The following COQ8B variants were observed in gnomAD, a reference collection of about 807,000 sequenced individuals.
COQ8B encodes coenzyme Q8B.
Under a neutral mutation model 62.0 loss-of-function variants are expected in COQ8B, and 44 were observed. The ratio of observed to expected loss-of-function variants is 0.71; its 90% CI spans 0.56 to 0.91. The LOEUF is 0.91. COQ8B is among the 40% of genes least tolerant of loss of function. COQ8B has a pLI of 0.00. For missense variants in COQ8B, 649 were observed against 731.6 expected (o/e 0.89, Z 1.30); for synonymous variants, 252 against 289.9 (o/e 0.87, Z 1.33).
intron 1 of COQ8B, chr19:40,714,973 G>A (rs1162954367): frequency 3.8e-6 from 4 of 1,049,016 alleles, no homozygotes; most frequent in Non-Finnish European, 4.6e-6. Context: ...TGTTGGCCCT[G>A]TAGGCACCCG....
chr19:40,712,427 A>C (rs921500141), intron 4 of COQ8B, among the ~76,000 whole-genome samples: 22 of 151,674 alleles, frequency 1.5e-4, no homozygotes, highest in Admixed American at 4.6e-4. Context: ...AAAAAAAAAA[A>C]AACAACAAAA....
At chr19:40,696,773 A>G (rs976793568) in intron 12 of COQ8B, among the ~76,000 whole-genome samples, 2 of 152,156 alleles carry the variant, frequency 1.3e-5, no homozygotes, top group Non-Finnish European at 2.9e-5. Flanking sequence ...ATCATTATTA[A>G]ATTATTTCCT....
At chr19:40,706,161 G>A (rs2082099497) in intron 5 of COQ8B, among the ~76,000 whole-genome samples, 1 of 152,076 alleles carries the variant, frequency 6.6e-6, no homozygotes, top group African/African-American at 2.4e-5. Context: ...CAAATCCAGG[G>A]TCCAGGAGCC....
rs776958256 is a variant in COQ8B at position 40,714,401 on chromosome 19, C to T, written c.103-4G>A. ...CCCAAGAACCTCCACATGGTCCCTG[C>T]AAGAGATATACTTTGATAAGGAGGG... is the stretch of plus-strand genomic sequence containing the variant. On this transcript the variant is annotated splice_polypyrimidine_tract_variant and splice_region_variant and intron_variant, in intron 2 of 14. Coordinates refer to ENST00000324464, the MANE Select transcript of COQ8B (RefSeq NM_024876.4). 1.2e-6 allele frequency: 2 copies of T among 1,613,402 alleles called. No homozygotes were observed. Among genetic ancestry groups the T allele is most frequent in the South Asian group, 1.1e-5 (1 of 90,936 alleles).
At chr19:40,700,560 T>C (rs2082053529) in intron 10 of COQ8B, 109 bp from the exon 11 acceptor site, 2 of 1,347,000 alleles carry the variant, frequency 1.5e-6, no homozygotes, top group Admixed American at 2.3e-5. Context: ...GTCTGCGCCA[T>C]GCCCTCCCTC....
chr19:40,704,148 CTTTTTTTTTTT>C, intron 7 of COQ8B: 1 of 162,870 alleles, frequency 6.1e-6, no homozygotes, highest in East Asian at 1.6e-4. Context: ...CATAACAATC[CTTTTTTTTTTT>C]TTTTTTTTGA....
chr19:40,706,487 A>G (rs2082101911), intron 5 of COQ8B, among the ~76,000 whole-genome samples: 1 of 152,118 alleles, frequency 6.6e-6, no homozygotes, highest in Non-Finnish European at 1.5e-5. Context: ...TGTTTTTGAG[A>G]CAGTGTCTCA....
intron 7 of COQ8B, chr19:40,704,236 A>C: frequency 5.9e-6 from 1 of 169,754 alleles, no homozygotes. Context: ...TGCAGCATCA[A>C]CCTCCCGAGC....
rs1023091602 is a variant in COQ8B at position 40,703,268 on chromosome 19, G to A, written c.799+273C>T. 12 of 435,580 alleles carry A rather than the reference G, an allele frequency of 2.8e-5. No individual in the cohort carries two copies. In the Admixed American group the frequency reaches 3.7e-4, roughly 13 times the overall value. The allele number at this position is 435,580 out of a possible 1,614,324, so 27.0% of individuals were successfully genotyped here. On this transcript the variant is annotated intron_variant, in intron 9 of 14. Coordinates refer to ENST00000324464, the MANE Select transcript of COQ8B (RefSeq NM_024876.4). ...TCTGCTCTGCCGCACCTACAATCCCGCTCCCTGCATGCACACCCTCTGAGA... is the reference window on the plus strand; with the variant it reads ...TCTGCTCTGCCGCACCTACAATCCCACTCCCTGCATGCACACCCTCTGAGA...
chr19:40,692,634 A>G (rs941332334), intron 14 of COQ8B, among the ~76,000 whole-genome samples: 7 of 152,134 alleles, frequency 4.6e-5, no homozygotes, highest in African/African-American at 1.4e-4. Flanking sequence ...TACAACAGAG[A>G]AGCGGCCTTC....
In COQ8B at chr19:40,711,036, C is replaced by T. The variant is rs574384555; in HGVS notation, c.290-900G>A. ...ATCCCAGCTACTCAAGAGGCTGAGG[C>T]AGGAGAATCGCTTGAACCTGGGAGA... On this transcript the variant is annotated intron_variant, in intron 4 of 14. Coordinates refer to ENST00000324464, the MANE Select transcript of COQ8B (RefSeq NM_024876.4). 2.0e-5 allele frequency among the ~76,000 whole-genome samples: 3 copies of T among 150,866 alleles called. No homozygotes were observed. The East Asian group carries it at 5.9e-4, about 30-fold the overall frequency.
chr19:40,702,731 G>C (rs374059390), intron 9 of COQ8B, 38 bp from the exon 10 acceptor site: 1 of 1,590,148 alleles, frequency 6.3e-7, no homozygotes, highest in Non-Finnish European at 8.5e-7. Flanking sequence ...AGGGCCCCGA[G>C]CGCCCACTGG....
chr19:40,696,195 C>T, intron 12 of COQ8B, 141 bp from the exon 13 acceptor site: 1 of 871,730 alleles, frequency 1.1e-6, no homozygotes, highest in Non-Finnish European at 1.9e-6. Context: ...CACTGGGCTC[C>T]TGGCCTCATC....
chr19:40,694,721 C>A (rs2082000609), intron 13 of COQ8B, among the ~76,000 whole-genome samples: 1 of 152,208 alleles, frequency 6.6e-6, no homozygotes, highest in Admixed American at 6.5e-5. Flanking sequence ...CTCGTCTTGG[C>A]ACATGTTGTC....
rs2082075206 is a variant in COQ8B, at chr19:40,703,269, C to T, written c.799+272G>A. The T allele has an allele frequency of 8.9e-6, 4 of 450,196 alleles. No individual in the cohort carries two copies. The Admixed American group carries it at 1.2e-4, about 13-fold the overall frequency. The allele number at this position is 450,196 out of a possible 1,614,324, so 27.9% of individuals were successfully genotyped here. ...CTGCTCTGCCGCACCTACAATCCCG[C>T]TCCCTGCATGCACACCCTCTGAGAG... On this transcript the variant is annotated intron_variant, in intron 9 of 14. Transcript: ENST00000324464.
In COQ8B at chr19:40,714,117, C is replaced by T. The variant is rs749579754; in HGVS notation, c.239G>A (p.Arg80Gln). 2.3e-5 allele frequency: 37 copies of T among 1,614,040 alleles called. No individual in the cohort carries two copies. Among genetic ancestry groups the T allele is most frequent in the Non-Finnish European group, 2.6e-5 (31 of 1,180,028 alleles). The part of the protein sequence containing the change: ...TPRPQLSDRS[R>Q]ERKVPASRIS... The stretch of plus-strand genomic sequence containing the variant: ...GCGGGAGGCAGGCACCTTGCGTTCT[C>T]GAGAGCGGTCACTCAGCTGGGAAAT... Residue 80 changes from arginine (R) to glutamine (Q), a missense_variant, in exon 4 of 15, where the codon CGA becomes CAA. Transcript: ENST00000324464.
Position 40,714,066 on chromosome 19 carries a change from C to T in COQ8B, c.289+1G>A, listed in dbSNP as rs750128167. 1 of 1,614,066 alleles carries T rather than the reference C, an allele frequency of 6.2e-7. No homozygotes were observed. The highest frequency in any genetic ancestry group is 1.6e-4 in the Middle Eastern group (1 of 6,062). ...CCAAGATCCCCCAAAGTCACACCTA[C>T]CCCCAAAGTTGGCCAAGCGGCTGAT... On this transcript the variant is annotated splice_donor_variant, in intron 4 of 14. Coordinates refer to ENST00000324464, the MANE Select transcript of COQ8B (RefSeq NM_024876.4). LOFTEE classifies it high-confidence loss of function.
In COQ8B at chr19:40,692,945, C is replaced by T; in HGVS notation, c.1296+6G>A. The stretch of plus-strand genomic sequence containing the variant: ...CCAGCCCCTTTCTCCCCCAGTGTCT[C>T]CCCACCTTGGTTTCAAAGCCTGTGA... On this transcript the variant is annotated splice_donor_region_variant and intron_variant, in intron 14 of 14. Transcript: ENST00000324464. 2 of 1,613,674 alleles carry T rather than the reference C, an allele frequency of 1.2e-6. No homozygotes were observed. Among genetic ancestry groups the T allele is most frequent in the Non-Finnish European group, 1.7e-6 (2 of 1,179,704 alleles).
At chr19:40,704,048 G>T in intron 7 of COQ8B, 193 bp from the exon 8 acceptor site, 3 of 663,882 alleles carry the variant, frequency 4.5e-6, no homozygotes, top group Non-Finnish European at 7.4e-6. Context: ...GCCAGGCACT[G>T]GCAGACTGTG....
Sources: gnomAD v4.1 joint callset for allele counts (sites outside exome capture counted in the v4.1 genomes callset) on GRCh38, gnomAD v4.1.1 for gene constraint, MANE v1.5 for transcripts, NCBI Gene and HGNC (gene_info 2026-07-23, HGNC 2026-07-21) for gene names.